Variants in MRM1 observed in about 807,000 individuals in gnomAD.
The protein encoded by MRM1 is mitochondrial rRNA methyltransferase 1, also known as rRNA methyltransferase 1, mitochondrial.
MRM1 carries 24 observed loss-of-function variants against 25.0 expected under a neutral mutation model. The ratio of observed to expected loss-of-function variants is 0.96; its 90% CI spans 0.69 to 1.35. The LOEUF (loss-of-function observed/expected upper bound fraction) is 1.35, where lower values mean the gene tolerates loss of function less well. Among genes scored for constraint, MRM1 ranks in the 40% most tolerant of loss-of-function variants. The pLI, the probability that MRM1 is intolerant of heterozygous loss-of-function variation, is 0.00. For synonymous variants in MRM1, 188 were observed against 199.2 expected, an observed-to-expected ratio of 0.94 and a Z score of 0.47; for missense variants, 431 against 464.1, an observed-to-expected ratio of 0.93 and a Z score of 0.65.
At chr17:36,620,445 G>C in the MRM1 span, among the ~76,000 whole-genome samples, 3 of 152,162 alleles carry the variant, frequency 2.0e-5, no homozygotes, top group Non-Finnish European at 4.4e-5. Context: ...GGAGCAGAGT[G>C]ATGACCCAGA....
At chr17:36,621,762 G>T in the MRM1 span, among the ~76,000 whole-genome samples, 1 of 152,136 alleles carries the variant, frequency 6.6e-6, no homozygotes, top group Non-Finnish European at 1.5e-5. Context: ...GGCATGGAGG[G>T]CAAGGGGGCC....
chr17:36,606,044 G>T lies in MRM1; in HGVS notation c.637-1626G>T, dbSNP rs369883894. Among the ~76,000 whole-genome samples, 26 of 152,318 alleles carry T rather than the reference G, an allele frequency of 1.7e-4. No individual in the cohort carries two copies. In the South Asian group the frequency reaches 5.4e-3, roughly 32 times the overall value. On this transcript the variant is annotated intron_variant, in intron 2 of 4. Coordinates refer to ENST00000614766, the MANE Select transcript of MRM1 (RefSeq NM_024864.5). ...GGAGACCATACCTCATGTGGCTCTT[G>T]TTCCTTCTTCTGTCTTGACGCCTCT...
In MRM1 at chr17:36,604,363, TTCC is replaced by T. The variant is rs2074908858; in HGVS notation, c.636+1722_636+1724del. Reference sequence around the variant, plus strand: ...AGCAGCTGGCACAGTTGACCACTCCTTCCTCCTTGAAACACTATACCTGCTTTC... The same window carrying T: ...AGCAGCTGGCACAGTTGACCACTCCTTCCTTGAAACACTATACCTGCTTTC... On this transcript the variant is annotated intron_variant, in intron 2 of 4. Transcript: ENST00000614766. Among the ~76,000 whole-genome samples, 6 of 152,316 alleles carry T rather than the reference TTCC, an allele frequency of 3.9e-5. No homozygotes were observed. In the South Asian group the frequency reaches 1.2e-3, roughly 32 times the overall value.
intron 2 of MRM1, among the ~76,000 whole-genome samples, chr17:36,605,902 CT>C (rs1353823569): frequency 2.0e-5 from 3 of 152,268 alleles, no homozygotes; most frequent in African/African-American, 7.2e-5. Context: ...GCTCTTGGCT[CT>C]CAGCACAGCA....
At chr17:36,631,823 A>T in the MRM1 span, among the ~76,000 whole-genome samples, 11 of 152,190 alleles carry the variant, frequency 7.2e-5, no homozygotes, top group Non-Finnish European at 1.5e-4. Flanking sequence ...TTTCTCAGAG[A>T]TGGAGATGGG....
At chr17:36,603,037 T>C in intron 2 of MRM1, 1 of 985,418 alleles carries the variant, frequency 1.0e-6, no homozygotes, top group Non-Finnish European at 1.2e-6. Flanking sequence ...AAGAAGATCT[T>C]TATGCCATTA....
At chr17:36,608,063 C>G in intron 4 of MRM1, 45 bp downstream of exon 4, 1 of 1,603,396 alleles carries the variant, frequency 6.2e-7, no homozygotes, top group African/African-American at 1.3e-5. Context: ...TCTAATCACG[C>G]AGGTGGGATT....
chr17:36,628,997 T>C, the MRM1 span, among the ~76,000 whole-genome samples: 1 of 152,076 alleles, frequency 6.6e-6, no homozygotes, highest in Non-Finnish European at 1.5e-5. Flanking sequence ...GAGCAAGGCA[T>C]GGAGTGCAGG....
downstream of MRM1, among the ~76,000 whole-genome samples, chr17:36,609,734 TG>T (rs2074963489): frequency 6.6e-6 from 1 of 152,208 alleles, no homozygotes; most frequent in South Asian, 2.1e-4. Flanking sequence ...GGTGCCCTCC[TG>T]GGCGAAAGGG....
At chr17:36,615,268 C>G in the MRM1 span, among the ~76,000 whole-genome samples, 1 of 152,198 alleles carries the variant, frequency 6.6e-6, no homozygotes, top group South Asian at 2.1e-4. Flanking sequence ...GGCCCTTCTC[C>G]CCCTTCGGGC....
the MRM1 span, among the ~76,000 whole-genome samples, chr17:36,620,150 C>T: frequency 6.6e-6 from 1 of 152,072 alleles, no homozygotes; most frequent in African/African-American, 2.4e-5. Context: ...TGTAGGTGGC[C>T]TTTTCACTCT....
the MRM1 span, among the ~76,000 whole-genome samples, chr17:36,615,601 G>A: frequency 2.0e-5 from 3 of 151,862 alleles, no homozygotes; most frequent in South Asian, 4.2e-4. Flanking sequence ...GGAGGTTACG[G>A]TGAGCTGAGA....
chr17:36,609,813 G>A (rs891394996), downstream of MRM1, among the ~76,000 whole-genome samples: 3 of 152,208 alleles, frequency 2.0e-5, no homozygotes, highest in Non-Finnish European at 2.9e-5. Context: ...TGTATTAGGT[G>A]CTCAATAAAT....
At chr17:36,618,792 T>G in the MRM1 span, among the ~76,000 whole-genome samples, 1 of 152,200 alleles carries the variant, frequency 6.6e-6, no homozygotes, top group Non-Finnish European at 1.5e-5. Context: ...ATCGTGTGAA[T>G]TAGGTTCTAT....
At chr17:36,609,005 T>C (rs1276722835), downstream of MRM1, 1 of 152,370 alleles carries the variant, frequency 6.6e-6, no homozygotes, top group Non-Finnish European at 1.5e-5. Flanking sequence ...GGTGGCAGCC[T>C]CGCTCTTCGG....
the MRM1 span, among the ~76,000 whole-genome samples, chr17:36,617,898 A>T: frequency 6.6e-6 from 1 of 152,252 alleles, no homozygotes; most frequent in East Asian, 1.9e-4. Context: ...GTGTCCGCAC[A>T]CCATGCCTGG....
Position 36,602,774 on chromosome 17 carries a change from C to T in MRM1, c.636+128C>T. ...ACCGCTTCCTTTGGCCTTCTAAATC[C>T]CTCTGGGGATGGAAGGGTCCTGGAG... On this transcript the variant is annotated intron_variant, in intron 2 of 4. Transcript: ENST00000614766. This position sits in a 1 kb window ranked among gnomAD's most constrained non-coding sequence, Gnocchi z 4.1. The T allele has an allele frequency of 3.1e-6, 4 of 1,289,902 alleles. No homozygotes were observed. Among genetic ancestry groups the T allele is most frequent in the Non-Finnish European group, 4.3e-6 (4 of 925,562 alleles). 79.9% of individuals were successfully genotyped at this position (1,289,902 alleles called of 1,614,324 possible). A position where few individuals can be genotyped will look rare whatever the true frequency, so the allele number is the denominator to read the frequency against.
At chr17:36,606,910 T>TTG (rs1284089644) in intron 2 of MRM1, among the ~76,000 whole-genome samples, 3 of 139,394 alleles carry the variant, frequency 2.2e-5, no homozygotes, top group African/African-American at 8.2e-5. Context: ...TGCGCCTGGT[T>TTG]TTTTGTTTTT....
chr17:36,603,140 T>C (rs2074895773), intron 2 of MRM1: 1 of 985,154 alleles, frequency 1.0e-6, no homozygotes, highest in Admixed American at 6.2e-5. Context: ...GCAGTATTGC[T>C]CTGCATATGG....
Sources: gnomAD v4.1 joint callset for allele counts (sites outside exome capture counted in the v4.1 genomes callset) on GRCh38, gnomAD v4.1.1 for gene constraint, Gnocchi (gnomAD v3.1) non-coding constraint, MANE v1.5 for transcripts, NCBI Gene and HGNC (gene_info 2026-07-23, HGNC 2026-07-21) for gene names.